ZBTB46: variants seen among roughly 807,000 people sequenced by gnomAD.
The protein encoded by ZBTB46 is zinc finger and BTB domain containing 46.
A neutral mutation model predicts 44.1 loss-of-function variants in ZBTB46; 8 were observed. That is an observed-to-expected ratio of 0.18 (90% CI 0.11 to 0.33). ZBTB46 has a LOEUF of 0.33. Among genes scored for constraint, ZBTB46 ranks in the 10% least tolerant of loss-of-function variants. The probability of loss-of-function intolerance (pLI) is 1.00; values close to 1 mark genes in which losing one functional copy is unlikely to be tolerated. For missense variants in ZBTB46, 651 were observed against 847.7 expected (o/e 0.77, Z 2.88); for synonymous variants, 409 against 382.3 (o/e 1.07, Z -0.81).
In ZBTB46 at chr20:63,830,939, G is replaced by C. The variant is rs1443115516; in HGVS notation, c.-34+158C>G. On this transcript the variant is annotated intron_variant, in intron 1 of 4. Coordinates refer to ENST00000245663, the MANE Select transcript of ZBTB46 (RefSeq NM_001369741.1). ...GCAGCTGGGAGCGCCGATGGCCCCCGGGAGGGCGCCCCCGCGGGGCGGGGC... is the reference window on the plus strand; with the variant it reads ...GCAGCTGGGAGCGCCGATGGCCCCCCGGAGGGCGCCCCCGCGGGGCGGGGC... Among the ~76,000 whole-genome samples the C allele has an allele frequency of 2.1e-5, 3 of 142,430 alleles. No individual in the cohort carries two copies. The East Asian group carries it at 6.4e-4, about 31-fold the overall frequency. 93.4% of individuals were successfully genotyped at this position (142,430 alleles called of 152,430 possible). A position where few individuals can be genotyped will look rare whatever the true frequency, so the allele number is the denominator to read the frequency against.
intron 1 of ZBTB46, 73 bp from the exon 2 acceptor site, chr20:63,790,863 CAGG>C: frequency 6.9e-7 from 1 of 1,448,624 alleles, no homozygotes; most frequent in Non-Finnish European, 9.1e-7. Flanking sequence ...GGGCGGGGCG[CAGG>C]AGGGCCATGG....
intron 1 of ZBTB46, among the ~76,000 whole-genome samples, chr20:63,813,842 G>A (rs371870602): frequency 3.3e-5 from 5 of 152,202 alleles, no homozygotes; most frequent in Non-Finnish European, 7.3e-5. Flanking sequence ...GCATCGCGAC[G>A]CTGAGGAAGT....
chr20:63,831,730 C>T (rs1270363315), upstream of ZBTB46, among the ~76,000 whole-genome samples: 6 of 150,878 alleles, frequency 4.0e-5, no homozygotes, highest in African/African-American at 1.5e-4. Context: ...GCACCGGGCG[C>T]TGCCCACGCG....
At chr20:63,749,916 CAAG>C (rs1210601685) in intron 4 of ZBTB46, among the ~76,000 whole-genome samples, 2 of 152,238 alleles carry the variant, frequency 1.3e-5, no homozygotes, top group Non-Finnish European at 2.9e-5. Flanking sequence ...TGGAAGGAAG[CAAG>C]AAGGAAGACG....
chr20:63,804,469 C>A (rs781442376), intron 1 of ZBTB46, among the ~76,000 whole-genome samples: 1 of 152,184 alleles, frequency 6.6e-6, no homozygotes, highest in African/African-American at 2.4e-5. Flanking sequence ...GAAGCCCTCC[C>A]GGGCGTCACT....
At chr20:63,792,365 C>T (rs900301719) in intron 1 of ZBTB46, among the ~76,000 whole-genome samples, 7 of 152,288 alleles carry the variant, frequency 4.6e-5, no homozygotes, top group Middle Eastern at 3.4e-3. Context: ...ACTAAGCGAG[C>T]GTGGGAGTAT....
At chr20:63,754,216 G>A (rs906025438) in intron 3 of ZBTB46, among the ~76,000 whole-genome samples, 13 of 152,312 alleles carry the variant, frequency 8.5e-5, no homozygotes, top group Admixed American at 1.3e-4. Context: ...GGCTCCTGAC[G>A]AGGAAATCCC....
chr20:63,810,325 C>T (rs536015624), intron 1 of ZBTB46, among the ~76,000 whole-genome samples: 2 of 152,242 alleles, frequency 1.3e-5, no homozygotes, highest in Admixed American at 6.5e-5. Flanking sequence ...ATGCCAGTCA[C>T]GTGGATGCTT....
intron 1 of ZBTB46, among the ~76,000 whole-genome samples, chr20:63,824,113 T>G (rs2092807753): frequency 6.6e-6 from 1 of 151,944 alleles, no homozygotes; most frequent in African/African-American, 2.4e-5. Context: ...AGCAGACACG[T>G]CCCACCTAAG....
chr20:63,765,039 G>A (rs1365793477), intron 3 of ZBTB46, among the ~76,000 whole-genome samples: 3 of 47,748 alleles, frequency 6.3e-5, no homozygotes, highest in Admixed American at 2.0e-4. Context: ...GTGTGTGTGT[G>A]CGTGCGTGTG....
intron 1 of ZBTB46, among the ~76,000 whole-genome samples, chr20:63,810,699 T>C (rs1207710641): frequency 6.6e-6 from 1 of 152,232 alleles, no homozygotes; most frequent in Admixed American, 6.5e-5. Context: ...TGAGCCAAAA[T>C]TGTGCCACTG....
At position 63,803,768 on chromosome 20, in the gene ZBTB46, C is replaced by T. The variant is rs1357166364; in HGVS notation, c.-33-12978G>A. The stretch of plus-strand genomic sequence containing the variant: ...TGTCCCCCAGGCTGGAGTGCAGTGG[C>T]GCAATCTCGGCTCACTGCAGCCTCA... On this transcript the variant is annotated intron_variant, in intron 1 of 4. Coordinates refer to ENST00000245663, the MANE Select transcript of ZBTB46 (RefSeq NM_001369741.1). This position sits in a 1 kb window ranked among gnomAD's most constrained non-coding sequence, Gnocchi z 4.0. 2.0e-5 allele frequency among the ~76,000 whole-genome samples: 3 copies of T among 152,120 alleles called. No individual in the cohort carries two copies. Among genetic ancestry groups the T allele is most frequent in the African/African-American group, 4.8e-5 (2 of 41,432 alleles).
chr20:63,751,676 GC>G (rs1464690521), intron 4 of ZBTB46, among the ~76,000 whole-genome samples: 1 of 125,782 alleles, frequency 8.0e-6, no homozygotes. Context: ...ATGAAGCCCC[GC>G]CCCCCGGTGG....
At chr20:63,768,996 G>A (rs1025684650) in intron 3 of ZBTB46, among the ~76,000 whole-genome samples, 37 of 152,240 alleles carry the variant, frequency 2.4e-4, no homozygotes, top group Non-Finnish European at 7.3e-5. Context: ...CATACAACCT[G>A]TTGCTGTGGG....
intron 3 of ZBTB46, among the ~76,000 whole-genome samples, chr20:63,754,743 G>A (rs2145776905): frequency 6.6e-6 from 1 of 152,126 alleles, no homozygotes. Context: ...GGGACTACAG[G>A]CGCCCGCCAC....
At chr20:63,807,526 G>A (rs1048409601) in intron 1 of ZBTB46, among the ~76,000 whole-genome samples, 1 of 152,132 alleles carries the variant, frequency 6.6e-6, no homozygotes, top group African/African-American at 2.4e-5. Flanking sequence ...TGCATTTTTA[G>A]TAGGAACGGG....
In ZBTB46 at chr20:63,803,151, C is replaced by T. The variant is rs977519434; in HGVS notation, c.-33-12361G>A. On this transcript the variant is annotated intron_variant, in intron 1 of 4. Coordinates refer to ENST00000245663, the MANE Select transcript of ZBTB46 (RefSeq NM_001369741.1). The surrounding 1 kb of genome is among the most constrained non-coding windows in gnomAD (Gnocchi z 4.0). ...GCAGGAACCAGGCGTGGGCACCATC[C>T]CCCAGGATGCCATCCAGGCAGGGAC... Among the ~76,000 whole-genome samples the T allele has an allele frequency of 6.6e-6, 1 of 152,068 alleles. No homozygotes were observed. The highest frequency in any genetic ancestry group is 1.5e-5 in the Non-Finnish European group (1 of 68,000).
chr20:63,823,615 C>G (rs999513245), intron 1 of ZBTB46, among the ~76,000 whole-genome samples: 1 of 151,840 alleles, frequency 6.6e-6, no homozygotes, highest in Non-Finnish European at 1.5e-5. Context: ...GTGGGAGGAT[C>G]ACCTTAGCCC....
At chr20:63,816,948 T>C (rs1054382074) in intron 1 of ZBTB46, among the ~76,000 whole-genome samples, 2 of 151,614 alleles carry the variant, frequency 1.3e-5, no homozygotes, top group African/African-American at 2.4e-5. Flanking sequence ...CTACTAAAAA[T>C]ACGAAACTAG....
Sources: allele counts gnomAD v4.1 joint callset (sites outside exome capture counted in the v4.1 genomes callset), GRCh38; gene constraint gnomAD v4.1.1; non-coding constraint Gnocchi (gnomAD v3.1); transcripts MANE v1.5; gene names NCBI Gene and HGNC (gene_info 2026-07-23, HGNC 2026-07-21).